SDHAF4: variants seen among roughly 807,000 people sequenced by gnomAD.
SDHAF4 encodes succinate dehydrogenase complex assembly factor 4.
In SDHAF4, 14 loss-of-function variants were observed where a neutral mutation model predicts 14.3. That is an observed-to-expected ratio of 0.98 (90% CI 0.65 to 1.53). The LOEUF (loss-of-function observed/expected upper bound fraction) is 1.53. Ranked by LOEUF, SDHAF4 falls within the 40% of genes most tolerant of loss-of-function variation. The pLI, the probability that SDHAF4 is intolerant of heterozygous loss-of-function variation, is 0.00. For synonymous variants in SDHAF4, 63 were observed against 47.3 expected (o/e 1.33, Z -1.36); for missense variants, 141 against 129.3 (o/e 1.09, Z -0.44).
At chr6:70,580,592 G>A (rs1366393128) in intron 2 of SDHAF4, among the ~76,000 whole-genome samples, 1 of 152,192 alleles carries the variant, frequency 6.6e-6, no homozygotes, top group East Asian at 1.9e-4. Flanking sequence ...ACAAACAAAT[G>A]AATCATTAAA....
chr6:70,587,232 G>A (rs1218752325), intron 2 of SDHAF4, among the ~76,000 whole-genome samples: 2 of 150,404 alleles, frequency 1.3e-5, no homozygotes, highest in East Asian at 3.9e-4. Context: ...GCTCACGCCT[G>A]TAATCCCAGC....
At chr6:70,576,445 C>T (rs1802256629) in intron 1 of SDHAF4, among the ~76,000 whole-genome samples, 1 of 152,184 alleles carries the variant, frequency 6.6e-6, no homozygotes, top group Non-Finnish European at 1.5e-5. Flanking sequence ...TCGCTTTCCC[C>T]AAGACACAGT....
chr6:70,569,588 T>C (rs1044611363), intron 1 of SDHAF4, among the ~76,000 whole-genome samples: 1 of 152,226 alleles, frequency 6.6e-6, no homozygotes, highest in Admixed American at 6.5e-5. Flanking sequence ...TTTACATATA[T>C]TTGTATGCTA....
intron 2 of SDHAF4, among the ~76,000 whole-genome samples, chr6:70,583,740 T>A (rs1457869284): frequency 3.9e-5 from 6 of 152,152 alleles, no homozygotes; most frequent in African/African-American, 1.4e-4. Context: ...TAAGAAAGTT[T>A]ATGAATTTGT....
intron 1 of SDHAF4, among the ~76,000 whole-genome samples, chr6:70,574,592 A>T (rs1802226786): frequency 6.6e-6 from 1 of 152,158 alleles, no homozygotes; most frequent in Admixed American, 6.5e-5. Flanking sequence ...ACCTAGAACT[A>T]CTCAGAATCT....
chr6:70,591,282 C>T (rs1484666402), downstream of SDHAF4, among the ~76,000 whole-genome samples: 4 of 145,782 alleles, frequency 2.7e-5, no homozygotes, highest in Non-Finnish European at 3.0e-5. Flanking sequence ...TGTTAACTCT[C>T]TTTAAATTAT....
chr6:70,596,895 C>G, the SDHAF4 span: 1 of 152,116 alleles, frequency 6.6e-6, no homozygotes, highest in Non-Finnish European at 1.5e-5. Context: ...TTTGTCATAG[C>G]AATTGTTAAT....
In SDHAF4 at chr6:70,579,349, T is replaced by G. The variant is rs1404612048; in HGVS notation, c.65-65T>G. On this transcript the variant is annotated intron_variant, in intron 1 of 2. Coordinates refer to ENST00000370474, the MANE Select transcript of SDHAF4 (RefSeq NM_145267.3). ...TAAACTAAAAACAAATAAATAAAATTTTATAAATGTTTAAAGTGGAATAAA... is the reference window on the plus strand; with the variant it reads ...TAAACTAAAAACAAATAAATAAAATGTTATAAATGTTTAAAGTGGAATAAA... The G allele has an allele frequency of 4.1e-6, 5 of 1,227,676 alleles. No individual in the cohort carries two copies. The Middle Eastern group carries it at 1.1e-3, about 272-fold the overall frequency. 76.0% of individuals were successfully genotyped at this position (1,227,676 alleles called of 1,614,324 possible).
chr6:70,593,079 A>G (rs544946683), downstream of SDHAF4, among the ~76,000 whole-genome samples: 1 of 152,350 alleles, frequency 6.6e-6, no homozygotes, highest in East Asian at 1.9e-4. Flanking sequence ...CTGCTCAAGC[A>G]GCTCTAGCTC....
chr6:70,598,098 C>A, the SDHAF4 span, among the ~76,000 whole-genome samples: 21 of 152,138 alleles, frequency 1.4e-4, no homozygotes, highest in South Asian at 2.1e-4. Context: ...CATTTGCAGG[C>A]CGGATGTCGT....
chr6:70,575,844 C>CTGGGAAAA (rs1562056197), intron 1 of SDHAF4, among the ~76,000 whole-genome samples: 1 of 152,044 alleles, frequency 6.6e-6, no homozygotes, highest in African/African-American at 2.4e-5. Flanking sequence ...TCAAACCACC[C>CTGGGAAAA]CTTGAAGTAG....
the SDHAF4 span, among the ~76,000 whole-genome samples, chr6:70,597,299 ATTTTT>A: frequency 3.7e-5 from 4 of 108,100 alleles, no homozygotes; most frequent in African/African-American, 7.8e-5. Context: ...CGCCTGGCTA[ATTTTT>A]TTTTTTTTTT....
intron 1 of SDHAF4, among the ~76,000 whole-genome samples, chr6:70,578,298 G>T (rs12215765): frequency 0.39 from 60,009 of 152,006 alleles, 12,395 homozygotes; most frequent in Middle Eastern, 0.49. Context: ...CTCATTATGA[G>T]TTTAATTTGC....
chr6:70,588,647 GA>G lies in SDHAF4; in HGVS notation c.255del (p.Gly86ValfsTer29). The G allele has an allele frequency of 8.1e-6, 13 of 1,600,074 alleles. No individual in the cohort carries two copies. The highest frequency in any genetic ancestry group is 5.6e-5 in the South Asian group (5 of 89,134). On this transcript the variant is annotated frameshift_variant, in exon 3 of 3. Transcript: ENST00000370474. LOFTEE classifies it high-confidence loss of function. Reference sequence around the variant, plus strand: ...AGATGATGTTAATCCAGTGACCAAAGAAAAAGGTGGACCCAGGGGCCCAGAA... The same window carrying G: ...AGATGATGTTAATCCAGTGACCAAAGAAAAGGTGGACCCAGGGGCCCAGAA... ...FPDDVNPVTK[E>X]KGGPRGPEPT...
chr6:70,568,408 G>T (rs1802132411), intron 1 of SDHAF4, among the ~76,000 whole-genome samples: 1 of 152,150 alleles, frequency 6.6e-6, no homozygotes, highest in African/African-American at 2.4e-5. Context: ...TATTGCCAAG[G>T]AGGTCTCTAT....
At chr6:70,580,991 G>A (rs892919920) in intron 2 of SDHAF4, among the ~76,000 whole-genome samples, 45 of 152,196 alleles carry the variant, frequency 3.0e-4, no homozygotes, top group African/African-American at 1.1e-3. Context: ...GAGTGCAGTG[G>A]CACACTCTCG....
chr6:70,591,165 T>TTTAAA (rs942398689), downstream of SDHAF4, among the ~76,000 whole-genome samples: 5 of 151,998 alleles, frequency 3.3e-5, no homozygotes, highest in African/African-American at 4.8e-5. Context: ...AGAAACAATG[T>TTTAAA]TTAAACTGGT....
chr6:70,592,395 T>C (rs1400819713), downstream of SDHAF4, among the ~76,000 whole-genome samples: 3 of 152,152 alleles, frequency 2.0e-5, no homozygotes, highest in Non-Finnish European at 4.4e-5. Flanking sequence ...ATTACTTAAG[T>C]GGTCGTGACC....
rs763641936 is a variant in SDHAF4, at chr6:70,579,584, C to T, written c.217+18C>T. On this transcript the variant is annotated intron_variant, in intron 2 of 2. Coordinates refer to ENST00000370474, the MANE Select transcript of SDHAF4 (RefSeq NM_145267.3). ...ACTGGAAAGTAAGTATAATAAAGCACCTCTCAGTTTTTGAAGTATCAAGGA... is the reference window on the plus strand; with the variant it reads ...ACTGGAAAGTAAGTATAATAAAGCATCTCTCAGTTTTTGAAGTATCAAGGA... 2.6e-6 allele frequency: 4 copies of T among 1,552,002 alleles called. No homozygotes were observed. The highest frequency in any genetic ancestry group is 2.6e-6 in the Non-Finnish European group (3 of 1,150,106).
Sources: allele counts gnomAD v4.1 joint callset (sites outside exome capture counted in the v4.1 genomes callset), GRCh38; gene constraint gnomAD v4.1.1; transcripts MANE v1.5; gene names NCBI Gene and HGNC (gene_info 2026-07-23, HGNC 2026-07-21).